Variants in AGBL4 observed in about 807,000 individuals in gnomAD.
AGBL4 encodes the protein AGBL carboxypeptidase 4, also known as cytosolic carboxypeptidase 6.
A neutral mutation model predicts 66.4 loss-of-function variants in AGBL4; 58 were observed. That is an observed-to-expected ratio of 0.87 (90% CI 0.71 to 1.09). The LOEUF is 1.09. AGBL4 is among the 50% of genes least tolerant of loss of function. The pLI, the probability that AGBL4 is intolerant of heterozygous loss-of-function variation, is 0.00. For synonymous variants in AGBL4, 234 were observed against 222.9 expected (o/e 1.05, Z -0.44); for missense variants, 579 against 631.0 (o/e 0.92, Z 0.88).
intron 4 of AGBL4, among the ~76,000 whole-genome samples, chr1:49,223,130 G>A (rs192099328): frequency 6.6e-6 from 1 of 152,226 alleles, no homozygotes; most frequent in East Asian, 1.9e-4. Flanking sequence ...TCAGACTCAG[G>A]ATACAGAAAA....
chr1:49,479,505 G>T (rs973204606), intron 3 of AGBL4, among the ~76,000 whole-genome samples: 13 of 151,620 alleles, frequency 8.6e-5, no homozygotes, highest in African/African-American at 3.1e-4. Flanking sequence ...CCCTCTATGT[G>T]TCTGTGTGTT....
At chr1:49,953,811 G>A (rs1341488798) in intron 1 of AGBL4, among the ~76,000 whole-genome samples, 4 of 151,876 alleles carry the variant, frequency 2.6e-5, no homozygotes, top group Non-Finnish European at 2.9e-5. Context: ...TGCTAAAATT[G>A]CTAAATCACC....
At chr1:49,010,121 T>C (rs2149004240) in intron 5 of AGBL4, among the ~76,000 whole-genome samples, 1 of 152,320 alleles carries the variant, frequency 6.6e-6, no homozygotes, top group South Asian at 2.1e-4. Flanking sequence ...ATTGTATATC[T>C]AGAAAACTCC....
At chr1:49,209,070 T>C (rs1648469361) in intron 4 of AGBL4, among the ~76,000 whole-genome samples, 1 of 152,104 alleles carries the variant, frequency 6.6e-6, no homozygotes, top group Non-Finnish European at 1.5e-5. Context: ...AGTTCACCCA[T>C]GGGGACCCTG....
chr1:49,554,135 AAC>A (rs755561385), intron 3 of AGBL4, among the ~76,000 whole-genome samples: 1 of 151,074 alleles, frequency 6.6e-6, no homozygotes. Flanking sequence ...CCTGTCTAGA[AAC>A]ACACACACAC....
the AGBL4 span, among the ~76,000 whole-genome samples, chr1:48,523,257 T>C: frequency 2.6e-5 from 4 of 152,318 alleles, no homozygotes; most frequent in Admixed American, 1.3e-4. Flanking sequence ...TCTAGGCCTT[T>C]GTCCCTGCTC....
chr1:49,487,862 C>CCATGAT (rs1209325420), intron 3 of AGBL4, among the ~76,000 whole-genome samples: 2 of 151,752 alleles, frequency 1.3e-5, no homozygotes, highest in Admixed American at 6.6e-5. Flanking sequence ...AGTACCGACC[C>CCATGAT]CATGATCATG....
At chr1:49,809,738 T>C (rs2147967081) in intron 2 of AGBL4, among the ~76,000 whole-genome samples, 1 of 152,262 alleles carries the variant, frequency 6.6e-6, no homozygotes, top group South Asian at 2.1e-4. Context: ...TCCCCATGTG[T>C]GATACAGAGA....
chr1:49,644,770 C>T (rs1054886750), intron 3 of AGBL4, among the ~76,000 whole-genome samples: 1 of 151,446 alleles, frequency 6.6e-6, no homozygotes, highest in African/African-American at 2.4e-5. Context: ...CAACTTGACT[C>T]AATTGACATT....
chr1:49,826,745 C>T (rs1324874840), intron 2 of AGBL4, among the ~76,000 whole-genome samples: 1 of 152,142 alleles, frequency 6.6e-6, no homozygotes, highest in Non-Finnish European at 1.5e-5. Context: ...ATTCATTTAT[C>T]CATGGATGTT....
At chr1:49,808,797 A>T (rs1200568659) in intron 2 of AGBL4, among the ~76,000 whole-genome samples, 2 of 152,174 alleles carry the variant, frequency 1.3e-5, no homozygotes, top group African/African-American at 4.8e-5. Flanking sequence ...GCACATGGGT[A>T]TGATTCAAGT....
chr1:49,750,475 C>G (rs187301259), intron 2 of AGBL4, among the ~76,000 whole-genome samples: 1 of 152,030 alleles, frequency 6.6e-6, no homozygotes, highest in African/African-American at 2.4e-5. Flanking sequence ...ACCTGTACCA[C>G]GCTGTTTGGG....
intron 5 of AGBL4, among the ~76,000 whole-genome samples, chr1:49,041,026 AG>A (rs1487283834): frequency 6.6e-6 from 1 of 152,088 alleles, no homozygotes; most frequent in South Asian, 2.1e-4. Flanking sequence ...ACATGTTCAA[AG>A]GGGTTTTGTT....
intron 4 of AGBL4, among the ~76,000 whole-genome samples, chr1:49,064,470 G>C (rs1644457781): frequency 6.6e-6 from 1 of 152,148 alleles, no homozygotes; most frequent in Admixed American, 6.5e-5. Flanking sequence ...TAGACTTAAG[G>C]TCCACTTTTG....
chr1:49,796,902 A>C (rs530503113), intron 2 of AGBL4, among the ~76,000 whole-genome samples: 2 of 152,204 alleles, frequency 1.3e-5, no homozygotes, highest in Admixed American at 1.3e-4. Flanking sequence ...CTATACAACT[A>C]TACAACAGTT....
At chr1:48,798,977 T>C (rs533395898) in intron 6 of AGBL4, among the ~76,000 whole-genome samples, 1 of 152,332 alleles carries the variant, frequency 6.6e-6, no homozygotes, top group South Asian at 2.1e-4. Context: ...GTTTTTTGCT[T>C]AGTCTTGCTT....
At chr1:48,757,509 A>G (rs1237000057) in intron 6 of AGBL4, among the ~76,000 whole-genome samples, 4 of 152,174 alleles carry the variant, frequency 2.6e-5, no homozygotes, top group Non-Finnish European at 4.4e-5. Flanking sequence ...CAGCCTATGA[A>G]TTGAGTGACT....
intron 6 of AGBL4, among the ~76,000 whole-genome samples, chr1:48,717,467 A>AT (rs1030428520): frequency 2.0e-5 from 3 of 152,020 alleles, no homozygotes; most frequent in East Asian, 1.9e-4. Flanking sequence ...CCTCTAGTTC[A>AT]TTTTTTTTGT....
intron 4 of AGBL4, among the ~76,000 whole-genome samples, chr1:49,185,336 T>C (rs939405351): frequency 6.6e-6 from 1 of 152,142 alleles, no homozygotes; most frequent in African/African-American, 2.4e-5. Flanking sequence ...AAGCAAAGCA[T>C]CACAACTCTT....
Sources: gnomAD v4.1 joint callset for allele counts (sites outside exome capture counted in the v4.1 genomes callset) on GRCh38, gnomAD v4.1.1 for gene constraint, MANE v1.5 for transcripts, NCBI Gene and HGNC (gene_info 2026-07-23, HGNC 2026-07-21) for gene names.